SLC45A3: variants seen among roughly 807,000 people sequenced by gnomAD.
SLC45A3 encodes the protein solute carrier family 45 member 3.
Under a neutral mutation model 35.3 loss-of-function variants are expected in SLC45A3, and 17 were observed. The ratio of observed to expected loss-of-function variants is 0.48; its 90% CI spans 0.33 to 0.72. The LOEUF (loss-of-function observed/expected upper bound fraction) is 0.72. Ranked by LOEUF, SLC45A3 falls within the 30% of genes least tolerant of loss-of-function variation. SLC45A3 has a pLI of 0.02. For synonymous variants in SLC45A3, 288 were observed against 334.3 expected, an observed-to-expected ratio of 0.86 and a Z score of 1.51; for missense variants, 597 against 731.7, an observed-to-expected ratio of 0.82 and a Z score of 2.12.
rs144555150 is a variant in SLC45A3 at position 205,667,659 on chromosome 1, A to T, written c.-230-2773T>A. 2.1e-3 allele frequency among the ~76,000 whole-genome samples: 314 copies of T among 151,890 alleles called. 5 individuals are homozygous for T. The highest frequency in any genetic ancestry group is 3.5e-3 in the Admixed American group (53 of 15,252). Reference sequence around the variant, plus strand: ...GCTGCAAGTGAGCTATGATCGTGCCAGTGTTCTCCAGCCTGGGCAACAGAG... The same window carrying T: ...GCTGCAAGTGAGCTATGATCGTGCCTGTGTTCTCCAGCCTGGGCAACAGAG... On this transcript the variant is annotated intron_variant, in intron 1 of 4. Coordinates refer to ENST00000367145, the MANE Select transcript of SLC45A3 (RefSeq NM_033102.3).
intron 1 of SLC45A3, among the ~76,000 whole-genome samples, chr1:205,676,097 A>T (rs1416859806): frequency 1.3e-5 from 2 of 152,212 alleles, no homozygotes; most frequent in Non-Finnish European, 2.9e-5. Flanking sequence ...GCAGGGCCAC[A>T]TTCAAGCTAG....
chr1:205,663,665 G>A, intron 2 of SLC45A3, 47 bp from the exon 3 acceptor site: 1 of 1,510,782 alleles, frequency 6.6e-7, no homozygotes, highest in Non-Finnish European at 8.8e-7. Flanking sequence ...ACAAGTAAAG[G>A]GCAAGGGGAA....
rs1382882018 is a variant in SLC45A3, at chr1:205,659,273, T to C, written c.1623A>G (p.Val541=). 7 of 1,614,034 alleles carry C rather than the reference T, an allele frequency of 4.3e-6. No individual in the cohort carries two copies. Among genetic ancestry groups the C allele is most frequent in the Non-Finnish European group, 5.9e-6 (7 of 1,179,958 alleles). Residue 541 remains valine, a synonymous_variant, in exon 5 of 5, where the codon GTA becomes GTG. Coordinates refer to ENST00000367145, the MANE Select transcript of SLC45A3 (RefSeq NM_033102.3). The surrounding 1 kb of genome is among the most constrained non-coding windows in gnomAD (Gnocchi z 5.8). ...TGGCCAAGTCGCTCTTGTCAAATAC[T>C]ACCTGTGTAGCAAAGTAAATGGCGA... ...GLVAIYFATQ[V]VFDKSDLAKY...
Position 205,662,504 on chromosome 1 carries a change from G to A in SLC45A3, c.958+329C>T. ...TTTGGAAAGTCGTTGGGGGAGCAGA[G>A]GGCACACTGCGGCTGGAACCAGGCA... On this transcript the variant is annotated intron_variant, in intron 3 of 4. Coordinates refer to ENST00000367145, the MANE Select transcript of SLC45A3 (RefSeq NM_033102.3). The surrounding 1 kb of genome is among the most constrained non-coding windows in gnomAD (Gnocchi z 6.2). 2.3e-6 allele frequency: 3 copies of A among 1,289,092 alleles called. No individual in the cohort carries two copies. Among genetic ancestry groups the A allele is most frequent in the Non-Finnish European group, 2.9e-6 (3 of 1,019,206 alleles). The allele number at this position is 1,289,092 out of a possible 1,614,324, so 79.9% of individuals were successfully genotyped here.
intron 1 of SLC45A3, among the ~76,000 whole-genome samples, chr1:205,668,179 C>T (rs1671148994): frequency 6.6e-6 from 1 of 152,148 alleles, no homozygotes; most frequent in Admixed American, 6.5e-5. Context: ...GCACACACTA[C>T]CCTCCAAAGC....
chr1:205,678,167 A>G (rs1387274610), intron 1 of SLC45A3, among the ~76,000 whole-genome samples: 1 of 152,106 alleles, frequency 6.6e-6, no homozygotes, highest in African/African-American at 2.4e-5. Flanking sequence ...AAATACAAAA[A>G]TTAGCCAGGC....
chr1:205,664,347 GGTCAC>G lies in SLC45A3; in HGVS notation c.172+133_172+137del, dbSNP rs1275167220. 8.8e-7 allele frequency: 1 copy of G among 1,140,606 alleles called. No individual in the cohort carries two copies. The highest frequency in any genetic ancestry group is 1.3e-6 in the Non-Finnish European group (1 of 788,540). The allele number at this position is 1,140,606 out of a possible 1,614,324, so 70.7% of individuals were successfully genotyped here. ...CTCTTGGTGTGCCCCCTCAGCCCAG[GGTCAC>G]CCTCCTGCCCAGCAATGCCTTCCCA... is the stretch of plus-strand genomic sequence containing the variant. On this transcript the variant is annotated intron_variant, in intron 2 of 4. Coordinates refer to ENST00000367145, the MANE Select transcript of SLC45A3 (RefSeq NM_033102.3). The surrounding 1 kb of genome is among the most constrained non-coding windows in gnomAD (Gnocchi z 5.3).
intron 1 of SLC45A3, among the ~76,000 whole-genome samples, chr1:205,676,033 G>A (rs1411034595): frequency 6.6e-6 from 1 of 152,188 alleles, no homozygotes; most frequent in African/African-American, 2.4e-5. Flanking sequence ...CTATGGGTAA[G>A]GCTGAATCAG....
chr1:205,678,625 T>A (rs993026903), intron 1 of SLC45A3, among the ~76,000 whole-genome samples: 2 of 152,170 alleles, frequency 1.3e-5, no homozygotes, highest in South Asian at 4.1e-4. Context: ...ACACACTCCA[T>A]GAATACATAG....
At chr1:205,661,714 G>A (rs149139608) in intron 4 of SLC45A3, 147 bp downstream of exon 4, 2 of 1,193,260 alleles carry the variant, frequency 1.7e-6, no homozygotes, top group East Asian at 2.5e-5. Flanking sequence ...CCAAGCCTCT[G>A]GCCCTGGGGC....
chr1:205,662,020 A>G lies in SLC45A3; in HGVS notation c.1065T>C (p.Tyr355=). Residue 355 remains tyrosine (Y), a synonymous_variant, in exon 4 of 5, where the codon TAT becomes TAC. Transcript: ENST00000367145. This position sits in a 1 kb window ranked among gnomAD's most constrained non-coding sequence, Gnocchi z 6.2. ...LVQRFGTRAV[Y]LASVAAFPVA... Reference sequence around the variant, plus strand: ...CAGGGAAAGCTGCCACACTGGCCAAATAGACTGCTCGAGTGCCGAATCGCT... The same window carrying G: ...CAGGGAAAGCTGCCACACTGGCCAAGTAGACTGCTCGAGTGCCGAATCGCT... 6.2e-7 allele frequency: 1 copy of G among 1,614,126 alleles called. No homozygotes were observed. Among genetic ancestry groups the G allele is most frequent in the South Asian group, 1.1e-5 (1 of 91,080 alleles).
intron 1 of SLC45A3, among the ~76,000 whole-genome samples, chr1:205,671,507 T>G (rs1488417287): frequency 2.6e-5 from 4 of 152,206 alleles, no homozygotes; most frequent in Admixed American, 2.6e-4. Context: ...CCACCACTTA[T>G]TATAATTGCA....
intron 1 of SLC45A3, among the ~76,000 whole-genome samples, chr1:205,670,168 G>A (rs1333868371): frequency 6.6e-6 from 1 of 152,228 alleles, no homozygotes; most frequent in Admixed American, 6.5e-5. Flanking sequence ...GCCTGCACTA[G>A]CCAGGAGACC....
intron 1 of SLC45A3, among the ~76,000 whole-genome samples, chr1:205,665,487 T>A (rs1322288549): frequency 6.6e-6 from 1 of 152,058 alleles, no homozygotes; most frequent in Non-Finnish European, 1.5e-5. Flanking sequence ...CCTGAAAATC[T>A]CTCCCTTGAG....
chr1:205,659,534 G>C lies in SLC45A3; in HGVS notation c.1362C>G (p.Leu454=), dbSNP rs1225068037. The C allele has an allele frequency of 2.5e-6, 4 of 1,608,962 alleles. No homozygotes were observed. The African/African-American group carries it at 5.3e-5, about 21-fold the overall frequency. The change falls in exon 5 of 5, where the codon CTC becomes CTG. Residue 454 remains leucine (L), a synonymous_variant. Transcript: ENST00000367145. The surrounding 1 kb of genome is among the most constrained non-coding windows in gnomAD (Gnocchi z 5.8). The part of the protein sequence containing the change: ...GHVGAGGSGL[L]PPPPALCGAS... ...CCCCGCAGAGCGCGGGTGGAGGTGG[G>C]AGCAGGCCACTGCCTCCAGCACCCA...
Position 205,671,864 on chromosome 1 carries a change from T to TCAGA in SLC45A3, c.-230-6979_-230-6978insTCTG, listed in dbSNP as rs1553248259. Among the ~76,000 whole-genome samples, 844 of 151,490 alleles carry TCAGA rather than the reference T, an allele frequency of 5.6e-3. 9 individuals are homozygous for TCAGA. Among genetic ancestry groups the TCAGA allele is most frequent in the African/African-American group, 0.02 (812 of 41,162 alleles). ...CCCTGGGCAACAGGGTGACTCTGTC[T>TCAGA]CAAACAAACAAAAAACCACAAACAC... is the stretch of plus-strand genomic sequence containing the variant. On this transcript the variant is annotated intron_variant, in intron 1 of 4. Transcript: ENST00000367145.
Position 205,662,249 on chromosome 1 carries a change from T to C in SLC45A3, c.959-123A>G, listed in dbSNP as rs1332454332. On this transcript the variant is annotated intron_variant, in intron 3 of 4. Transcript: ENST00000367145. The surrounding 1 kb of genome is among the most constrained non-coding windows in gnomAD (Gnocchi z 6.2). ...GAGACCTGCTGTGGACCAGCCCTGC[T>C]CCCCAGCACCCTTCCCCTTTCTACC... 2 of 1,446,546 alleles carry C rather than the reference T, an allele frequency of 1.4e-6. No homozygotes were observed. The highest frequency in any genetic ancestry group is 2.7e-5 in the Admixed American group (1 of 37,222). The allele number at this position is 1,446,546 out of a possible 1,614,324, so 89.6% of individuals were successfully genotyped here.
At chr1:205,668,707 G>A (rs1671158160) in intron 1 of SLC45A3, among the ~76,000 whole-genome samples, 1 of 152,274 alleles carries the variant, frequency 6.6e-6, no homozygotes, top group African/African-American at 2.4e-5. Flanking sequence ...AGGAAGTAGA[G>A]GGGCTGACCT....
chr1:205,663,659 G>A lies in SLC45A3; in HGVS notation c.173-41C>T, dbSNP rs41313722. On this transcript the variant is annotated intron_variant, in intron 2 of 4. Transcript: ENST00000367145. The stretch of plus-strand genomic sequence containing the variant: ...TAGTATGAGTCAATGGCTGGGACAA[G>A]TAAAGGGCAAGGGGAAGGGGAACCA... 2.1e-3 allele frequency: 3,262 copies of A among 1,517,818 alleles called. 4 individuals carry two copies. Among genetic ancestry groups the A allele is most frequent in the Non-Finnish European group, 2.7e-3 (3,095 of 1,139,308 alleles). The allele number at this position is 1,517,818 out of a possible 1,614,324, so 94.0% of individuals were successfully genotyped here.
Sources: allele counts gnomAD v4.1 joint callset (sites outside exome capture counted in the v4.1 genomes callset), GRCh38; gene constraint gnomAD v4.1.1; non-coding constraint Gnocchi (gnomAD v3.1); transcripts MANE v1.5; gene names NCBI Gene and HGNC (gene_info 2026-07-23, HGNC 2026-07-21).